Variants in DCTN4 observed in about 807,000 individuals in gnomAD.
DCTN4 encodes the protein dynactin subunit 4.
DCTN4 carries 23 observed loss-of-function variants against 62.7 expected under a neutral mutation model. The observed-to-expected ratio is 0.37, with a 90% CI of 0.26 to 0.52. DCTN4 has a LOEUF of 0.52. Ranked by LOEUF, DCTN4 falls within the 20% of genes least tolerant of loss-of-function variation. DCTN4 has a pLI of 0.92. For synonymous variants in DCTN4, 199 were observed against 202.1 expected (o/e 0.98, Z 0.13); for missense variants, 514 against 580.4 (o/e 0.89, Z 1.18).
At chr5:150,716,975 G>A (rs1759784559) in intron 11 of DCTN4, among the ~76,000 whole-genome samples, 1 of 150,834 alleles carries the variant, frequency 6.6e-6, no homozygotes, top group South Asian at 2.1e-4. Context: ...TCTCTTTGGA[G>A]GTGATGCTAG....
chr5:150,724,796 T>G (rs944193433), intron 8 of DCTN4, among the ~76,000 whole-genome samples: 1 of 152,184 alleles, frequency 6.6e-6, no homozygotes, highest in Admixed American at 6.5e-5. Context: ...TATGTACATT[T>G]GTACTTTCCC....
At chr5:150,756,970 TAGTC>T (rs1184014193) in intron 1 of DCTN4, among the ~76,000 whole-genome samples, 16 of 152,342 alleles carry the variant, frequency 1.1e-4, no homozygotes, top group African/African-American at 2.9e-4. Context: ...TTTATTTACA[TAGTC>T]AGCTATGGCC....
chr5:150,751,263 A>C (rs953625436), intron 3 of DCTN4, among the ~76,000 whole-genome samples: 4 of 152,140 alleles, frequency 2.6e-5, no homozygotes, highest in African/African-American at 9.7e-5. Context: ...TCAAGGAGGA[A>C]ATGAAATTAT....
chr5:150,711,036 G>A lies in DCTN4; in HGVS notation c.*113C>T, dbSNP rs1225266991. 1.5e-5 allele frequency: 15 copies of A among 1,011,748 alleles called. No homozygotes were observed. The highest frequency in any genetic ancestry group is 3.1e-5 in the South Asian group (2 of 64,206). The allele number at this position is 1,011,748 out of a possible 1,614,324, so 62.7% of individuals were successfully genotyped here. A position where few individuals can be genotyped will look rare whatever the true frequency, so the allele number is the denominator to read the frequency against. ...CCCACTTTCTTAGCAATAGAATTCC[G>A]TAGTGCATGGGTACATCGTTATAAA... On this transcript the variant is annotated 3_prime_UTR_variant, in exon 13 of 13. Coordinates refer to ENST00000447998, the MANE Select transcript of DCTN4 (RefSeq NM_016221.4).
chr5:150,719,315 AG>A (rs1759880543), intron 10 of DCTN4, among the ~76,000 whole-genome samples: 1 of 152,164 alleles, frequency 6.6e-6, no homozygotes, highest in Non-Finnish European at 1.5e-5. Context: ...TGTGGAAGGA[AG>A]GGGAGTAGAT....
chr5:150,735,251 G>A (rs749432146), intron 4 of DCTN4, among the ~76,000 whole-genome samples: 10 of 152,160 alleles, frequency 6.6e-5, no homozygotes, highest in Non-Finnish European at 1.3e-4. Flanking sequence ...GAACAACCCT[G>A]CCCTCAAAAG....
At chr5:150,736,374 C>T (rs919230732) in intron 4 of DCTN4, 2 of 152,120 alleles carry the variant, frequency 1.3e-5, no homozygotes, top group African/African-American at 4.8e-5. Flanking sequence ...CATCAGATAA[C>T]CTATAAAGGA....
chr5:150,722,936 T>G lies in DCTN4; in HGVS notation c.879A>C (p.Ser293=). Residue 293 remains serine, a synonymous_variant, in exon 9 of 13, where the codon TCA becomes TCC. Transcript: ENST00000447998. ...CGACCAGCTGGATTTTGAATTTGAT[T>G]GACGTTGGGTTAAATTCTGGCTTGC... The part of the protein sequence containing the change: ...NLSKPEFNPT[S]IKFKIQLVAV... 9 of 1,613,054 alleles carry G rather than the reference T, an allele frequency of 5.6e-6. No homozygotes were observed. The highest frequency in any genetic ancestry group is 7.6e-6 in the Non-Finnish European group (9 of 1,179,564).
Position 150,711,239 on chromosome 5 carries a change from G to A in DCTN4, c.1293C>T (p.Pro431=), listed in dbSNP as rs145961735. 59 of 1,613,020 alleles carry A rather than the reference G, an allele frequency of 3.7e-5. 1 individual carries two copies. The Middle Eastern group carries it at 5.7e-4, about 16-fold the overall frequency. The part of the protein sequence containing the change: ...MKHDFKNLAA[P]IRPIEESDQG... ...GGTCACTTTCTTCAATGGGGCGAAT[G>A]GGGGCTGCCAGGTTTTTAAAATCAT... is the stretch of plus-strand genomic sequence containing the variant. Residue 431 remains proline, a synonymous_variant, in exon 13 of 13, where the codon CCC becomes CCT. Coordinates refer to ENST00000447998, the MANE Select transcript of DCTN4 (RefSeq NM_016221.4).
intron 8 of DCTN4, among the ~76,000 whole-genome samples, chr5:150,729,789 A>G (rs1008599784): frequency 1.3e-5 from 2 of 151,960 alleles, no homozygotes; most frequent in African/African-American, 2.4e-5. Flanking sequence ...GCCCTGCCCA[A>G]TAGTTTTTTA....
intron 1 of DCTN4, chr5:150,758,068 TC>T: frequency 1.0e-6 from 1 of 984,144 alleles, no homozygotes; most frequent in Middle Eastern, 5.3e-4. Flanking sequence ...AGCTTTTTCT[TC>T]ACTAAGACTA....
rs757254859 is a variant in DCTN4 at position 150,753,666 on chromosome 5, T to A, written c.207-9A>T. ...CAAAACAATTGGCACATCTGTGACA[T>A]GACAAACACAACCATTCATTCAACA... On this transcript the variant is annotated splice_polypyrimidine_tract_variant and intron_variant, in intron 2 of 12. Transcript: ENST00000447998. 1 of 1,606,556 alleles carries A rather than the reference T, an allele frequency of 6.2e-7. No individual in the cohort carries two copies. The highest frequency in any genetic ancestry group is 1.7e-5 in the Admixed American group (1 of 59,310).
chr5:150,731,276 T>C lies in DCTN4; in HGVS notation c.612-120A>G, dbSNP rs1561697751. 6.2e-6 allele frequency: 6 copies of C among 974,980 alleles called. 1 individual carries two copies. Among genetic ancestry groups the C allele is most frequent in the Admixed American group, 2.1e-5 (1 of 48,224 alleles). 60.4% of individuals were successfully genotyped at this position (974,980 alleles called of 1,614,324 possible). The stretch of plus-strand genomic sequence containing the variant: ...GTATTCCTCTGTCATAGAATATCTG[T>C]ATAGCGTAGGTCTTTTCTAAGTATG... On this transcript the variant is annotated intron_variant, in intron 6 of 12. Coordinates refer to ENST00000447998, the MANE Select transcript of DCTN4 (RefSeq NM_016221.4).
chr5:150,728,278 A>G (rs1442808811), intron 8 of DCTN4, among the ~76,000 whole-genome samples: 1 of 152,198 alleles, frequency 6.6e-6, no homozygotes, highest in African/African-American at 2.4e-5. Context: ...AAAGAATTTC[A>G]TCTTCTGAAA....
chr5:150,757,389 A>C (rs1268733976), intron 1 of DCTN4, among the ~76,000 whole-genome samples: 4 of 152,126 alleles, frequency 2.6e-5, no homozygotes, highest in Admixed American at 2.0e-4. Flanking sequence ...CCAGACCCAG[A>C]TTCTCCATTA....
At chr5:150,713,127 A>G (rs572962657) in intron 12 of DCTN4, among the ~76,000 whole-genome samples, 1 of 152,336 alleles carries the variant, frequency 6.6e-6, no homozygotes, top group African/African-American at 2.4e-5. Context: ...TACAGTAACT[A>G]ACCAGACCTT....
chr5:150,756,444 G>A lies in DCTN4; in HGVS notation c.179C>T (p.Ser60Leu), dbSNP rs763382690. 1.9e-6 allele frequency: 3 copies of A among 1,602,082 alleles called. No individual in the cohort carries two copies. The highest frequency in any genetic ancestry group is 2.7e-5 in the African/African-American group (2 of 74,048). ...ATTCTTTTTTAGTTTGGCTTCAGCCGATGGCATATTTTCTAAACAACTGGG... is the reference window on the plus strand; with the variant it reads ...ATTCTTTTTTAGTTTGGCTTCAGCCAATGGCATATTTTCTAAACAACTGGG... ...YCPSCLENMP[S>L]AEAKLKKNRC... The change falls in exon 2 of 13, where the codon TCG becomes TTG. Residue 60 changes from serine (S) to leucine (L), a missense_variant. Transcript: ENST00000447998.
chr5:150,735,103 C>T lies in DCTN4; in HGVS notation c.430-1628G>A, dbSNP rs555818235. ...TTGGGAGCTTTATGGCCCCACTGATCACCTGGGAAACCCAAATACTTATCC... is the reference window on the plus strand; with the variant it reads ...TTGGGAGCTTTATGGCCCCACTGATTACCTGGGAAACCCAAATACTTATCC... On this transcript the variant is annotated intron_variant, in intron 4 of 12. Transcript: ENST00000447998. Among the ~76,000 whole-genome samples the T allele has an allele frequency of 6.6e-4, 101 of 152,336 alleles. 1 individual carries two copies. Among genetic ancestry groups the T allele is most frequent in the African/African-American group, 2.3e-3 (95 of 41,562 alleles).
chr5:150,717,795 T>C (rs919821244), intron 11 of DCTN4, among the ~76,000 whole-genome samples: 1 of 152,190 alleles, frequency 6.6e-6, no homozygotes, highest in Admixed American at 6.5e-5. Flanking sequence ...TATAACCCAT[T>C]GGATCTGTCT....
Sources: gnomAD v4.1 joint callset for allele counts (sites outside exome capture counted in the v4.1 genomes callset) on GRCh38, gnomAD v4.1.1 for gene constraint, MANE v1.5 for transcripts, NCBI Gene and HGNC (gene_info 2026-07-23, HGNC 2026-07-21) for gene names.